TPRG1: variants seen among roughly 807,000 people sequenced by gnomAD.
The protein encoded by TPRG1 is tumor protein p63 regulated 1.
In TPRG1, 29 loss-of-function variants were observed where a neutral mutation model predicts 29.3. The observed-to-expected ratio is 0.99, with a 90% CI of 0.74 to 1.35. The LOEUF is 1.35. TPRG1 is among the 40% of genes most tolerant of loss of function. The probability of loss-of-function intolerance (pLI) is 0.00; values close to 1 mark genes in which losing one functional copy is unlikely to be tolerated. For synonymous variants in TPRG1, 130 were observed against 116.8 expected (o/e 1.11, Z -0.73); for missense variants, 327 against 335.0 (o/e 0.98, Z 0.19).
rs1216828645 is a variant in TPRG1 at position 189,322,772 on chromosome 3, A to G, written c.*1952A>G. The G allele has an allele frequency of 6.6e-6, 1 of 152,156 alleles. No homozygotes were observed. Among genetic ancestry groups the G allele is most frequent in the Non-Finnish European group, 1.5e-5 (1 of 67,992 alleles). 9.4% of individuals were successfully genotyped at this position (152,156 alleles called of 1,614,324 possible). A position where few individuals can be genotyped will look rare whatever the true frequency, so the allele number is the denominator to read the frequency against. ...CCAGACTGTTCCCAAATGACCTTCT[A>G]AAGGACACAGTGCACCATCATCAAT... On this transcript the variant is annotated 3_prime_UTR_variant, in exon 6 of 6. Transcript: ENST00000345063.
rs766860308 is a variant in TPRG1 at position 189,325,163 on chromosome 3, A to G, written c.*4343A>G. ...CTGCTTAGGGTTCTTCTGTATCCACAAAAAGGAATTATGATATCCTCTGCT... is the reference window on the plus strand; with the variant it reads ...CTGCTTAGGGTTCTTCTGTATCCACGAAAAGGAATTATGATATCCTCTGCT... On this transcript the variant is annotated 3_prime_UTR_variant, in exon 6 of 6. Coordinates refer to ENST00000345063, the MANE Select transcript of TPRG1 (RefSeq NM_198485.4). 1 of 151,846 alleles carries G rather than the reference A, an allele frequency of 6.6e-6. No homozygotes were observed. Among genetic ancestry groups the G allele is most frequent in the Non-Finnish European group, 1.5e-5 (1 of 67,988 alleles). The allele number at this position is 151,846 out of a possible 1,614,324, so 9.4% of individuals were successfully genotyped here. A position where few individuals can be genotyped will look rare whatever the true frequency, so the allele number is the denominator to read the frequency against.
intron 4 of TPRG1, among the ~76,000 whole-genome samples, chr3:189,050,696 T>C (rs1432341797): frequency 6.6e-6 from 1 of 152,120 alleles, no homozygotes; most frequent in African/African-American, 2.4e-5. Context: ...AAATACTAGC[T>C]AACCGAATCC....
Position 189,258,922 on chromosome 3 carries a change from A to G in TPRG1, c.479+20013A>G, listed in dbSNP as rs371896667. On this transcript the variant is annotated intron_variant, in intron 4 of 5. Coordinates refer to ENST00000345063, the MANE Select transcript of TPRG1 (RefSeq NM_198485.4). ...GGCAGCGAGAATTTCAAGCCAGTGG[A>G]TCTTAGCTTGCTGGGCTCCATGCGG... is the stretch of plus-strand genomic sequence containing the variant. Among the ~76,000 whole-genome samples, 9 of 152,168 alleles carry G rather than the reference A, an allele frequency of 5.9e-5. No individual in the cohort carries two copies. The East Asian group carries it at 1.3e-3, about 23-fold the overall frequency.
intron 2 of TPRG1, among the ~76,000 whole-genome samples, chr3:189,213,510 G>A (rs1735587647): frequency 1.3e-5 from 2 of 152,108 alleles, no homozygotes; most frequent in Admixed American, 6.6e-5. Context: ...CCAAAGATAA[G>A]AACAGCACAG....
intron 2 of TPRG1, 34 bp from the exon 3 acceptor site, chr3:189,215,258 G>A: frequency 6.3e-7 from 1 of 1,578,690 alleles, no homozygotes; most frequent in Non-Finnish European, 8.6e-7. Flanking sequence ...GGCTAAGTCT[G>A]CTCTAAACTA....
At chr3:189,192,114 G>A (rs1731787237) in intron 1 of TPRG1, among the ~76,000 whole-genome samples, 3 of 152,176 alleles carry the variant, frequency 2.0e-5, no homozygotes, top group Non-Finnish European at 2.9e-5. Context: ...GTTGACAGAA[G>A]ATCATGATGC....
Position 189,196,865 on chromosome 3 carries a change from T to A in TPRG1, c.-9-10511T>A, listed in dbSNP as rs114414469. On this transcript the variant is annotated intron_variant, in intron 1 of 5. Coordinates refer to ENST00000345063, the MANE Select transcript of TPRG1 (RefSeq NM_198485.4). ...TGGAGTTTTTATTTTGAGGGGAAAA[T>A]CCTATTTTCAAAACTTAGATGAATA... 5.7e-3 allele frequency among the ~76,000 whole-genome samples: 866 copies of A among 152,266 alleles called. 9 individuals carry two copies. Among genetic ancestry groups the A allele is most frequent in the African/African-American group, 0.018 (760 of 41,558 alleles).
intron 3 of TPRG1, among the ~76,000 whole-genome samples, chr3:189,144,791 G>A (rs960432110): frequency 7.2e-5 from 11 of 152,110 alleles, no homozygotes; most frequent in Non-Finnish European, 8.8e-5. Flanking sequence ...TTCTTATTAC[G>A]CCACACAACT....
chr3:189,290,367 A>G (rs1181272198), intron 4 of TPRG1, among the ~76,000 whole-genome samples: 1 of 152,180 alleles, frequency 6.6e-6, no homozygotes, highest in Non-Finnish European at 1.5e-5. Context: ...TCACACACTC[A>G]TGTCTACATT....
At chr3:189,032,595 C>CT (rs570117851) in intron 4 of TPRG1, among the ~76,000 whole-genome samples, 2,973 of 142,248 alleles carry the variant, frequency 0.021, 92 homozygotes, top group African/African-American at 0.081. Flanking sequence ...CTTTTTTTTT[C>CT]TTTTTTTTTA....
At chr3:189,236,608 C>A (rs1191417232) in intron 3 of TPRG1, among the ~76,000 whole-genome samples, 1 of 152,158 alleles carries the variant, frequency 6.6e-6, no homozygotes, top group East Asian at 1.9e-4. Context: ...TTTCACAATA[C>A]CACTAACTGT....
At chr3:189,249,523 T>C (rs1430558746) in intron 4 of TPRG1, among the ~76,000 whole-genome samples, 1 of 151,998 alleles carries the variant, frequency 6.6e-6, no homozygotes, top group Non-Finnish European at 1.5e-5. Flanking sequence ...GTCTTTTTCT[T>C]TTAATGGGTA....
intron 4 of TPRG1, among the ~76,000 whole-genome samples, chr3:189,300,119 T>C (rs1221479325): frequency 6.6e-6 from 1 of 152,220 alleles, no homozygotes; most frequent in East Asian, 1.9e-4. Context: ...AAACAATTGG[T>C]TGGCATAAAT....
chr3:189,244,635 A>T (rs1741115803), intron 4 of TPRG1, among the ~76,000 whole-genome samples: 2 of 152,098 alleles, frequency 1.3e-5, no homozygotes. Context: ...ACTCACTATC[A>T]TGAGGAGAGT....
upstream of TPRG1, among the ~76,000 whole-genome samples, chr3:189,099,021 G>A (rs1018605143): frequency 6.6e-5 from 10 of 152,078 alleles, no homozygotes; most frequent in South Asian, 2.1e-4. Flanking sequence ...TGCTACAGCC[G>A]CAGCTCCTCT....
In TPRG1 at chr3:189,079,592, AAC is replaced by A. The variant is rs10685517; in HGVS notation, c.-462-47455_-462-47454del. On this transcript the variant is annotated intron_variant, in intron 4 of 10. Coordinates refer to the TPRG1 transcript ENST00000433971. Reference sequence around the variant, plus strand: ...AATAATTAAAAACAGAAGTATTTTAAACACACACACAAATATGCACACTCATA... The same window carrying A: ...AATAATTAAAAACAGAAGTATTTTAAACACACACAAATATGCACACTCATA... Among the ~76,000 whole-genome samples the A allele has an allele frequency of 2.0e-5, 3 of 152,100 alleles. No homozygotes were observed. In the South Asian group the frequency reaches 6.2e-4, roughly 31 times the overall value.
At chr3:189,237,272 CACAT>C (rs1739641360) in intron 3 of TPRG1, among the ~76,000 whole-genome samples, 1 of 152,060 alleles carries the variant, frequency 6.6e-6, no homozygotes, top group Non-Finnish European at 1.5e-5. Flanking sequence ...TCATGGAACA[CACAT>C]ACACACACAT....
chr3:189,166,774 A>C (rs527470470), intron 5 of TPRG1, among the ~76,000 whole-genome samples: 1 of 152,324 alleles, frequency 6.6e-6, no homozygotes, highest in South Asian at 2.1e-4. Flanking sequence ...TGTTAGGAGA[A>C]GAACTTTAGG....
chr3:189,180,804 C>G (rs1346723827), intron 1 of TPRG1, among the ~76,000 whole-genome samples: 1 of 152,152 alleles, frequency 6.6e-6, no homozygotes. Context: ...AGGTGGTGCC[C>G]CAGTAGGGAT....
Sources: gnomAD v4.1 joint callset for allele counts (sites outside exome capture counted in the v4.1 genomes callset) on GRCh38, gnomAD v4.1.1 for gene constraint, MANE v1.5 for transcripts, NCBI Gene and HGNC (gene_info 2026-07-23, HGNC 2026-07-21) for gene names.